IFT57: variants seen among roughly 807,000 people sequenced by gnomAD.
The protein encoded by IFT57 is intraflagellar transport 57.
A neutral mutation model predicts 56.8 loss-of-function variants in IFT57; 59 were observed. The observed-to-expected ratio is 1.04, with a 90% CI of 0.84 to 1.29. The LOEUF is 1.29. Ranked by LOEUF, IFT57 falls within the 50% of genes most tolerant of loss-of-function variation. IFT57 has a pLI of 0.00. For missense variants in IFT57, 470 were observed against 522.1 expected (o/e 0.90, Z 0.97); for synonymous variants, 209 against 186.1 (o/e 1.12, Z -1.00).
Position 108,218,310 on chromosome 3 carries a change from CA to C in IFT57, c.494+224del, listed in dbSNP as rs1560130123. ...AACCTTTAATAATTACATATTTGAACAGGAAAACGGCATAATAATATGTAAC... is the reference window on the plus strand; with the variant it reads ...AACCTTTAATAATTACATATTTGAACGGAAAACGGCATAATAATATGTAAC... On this transcript the variant is annotated intron_variant, in intron 3 of 10. Transcript: ENST00000264538. The C allele has an allele frequency of 6.3e-5, 19 of 301,982 alleles. 1 individual carries two copies. The East Asian group carries it at 1.1e-3, about 17-fold the overall frequency. The allele number at this position is 301,982 out of a possible 1,614,324, so 18.7% of individuals were successfully genotyped here. A position where few individuals can be genotyped will look rare whatever the true frequency, so the allele number is the denominator to read the frequency against.
At chr3:108,205,919 T>C (rs956324996) in intron 5 of IFT57, among the ~76,000 whole-genome samples, 2 of 127,308 alleles carry the variant, frequency 1.6e-5, no homozygotes, top group Non-Finnish European at 3.2e-5. Context: ...TTAATATATA[T>C]TATTTATAAT....
At chr3:108,208,058 A>G (rs1270602743) in intron 4 of IFT57, among the ~76,000 whole-genome samples, 1 of 151,862 alleles carries the variant, frequency 6.6e-6, no homozygotes, top group Non-Finnish European at 1.5e-5. Context: ...AAAAAAAAAA[A>G]AAAAGCAACT....
In IFT57 at chr3:108,185,474, C is replaced by T. The variant is rs138846781; in HGVS notation, c.777+6047G>A. 6.8e-3 allele frequency among the ~76,000 whole-genome samples: 1,024 copies of T among 150,112 alleles called. 11 individuals are homozygous for T. The highest frequency in any genetic ancestry group is 0.022 in the African/African-American group (898 of 40,760). On this transcript the variant is annotated intron_variant, in intron 6 of 10. Coordinates refer to ENST00000264538, the MANE Select transcript of IFT57 (RefSeq NM_018010.4). ...TATCTGCCTAAACAGGTTTTTAATG[C>T]AGACTAAAGTGCCCTGTTATGAAAA...
intron 3 of IFT57, among the ~76,000 whole-genome samples, chr3:108,217,064 A>AAT (rs1243691434): frequency 6.6e-6 from 1 of 152,114 alleles, no homozygotes; most frequent in East Asian, 1.9e-4. Flanking sequence ...AATTAACAAT[A>AAT]ATATATATTT....
chr3:108,161,018 A>C lies in IFT57; in HGVS notation c.*1459T>G, dbSNP rs576347633. 1 of 152,286 alleles carries C rather than the reference A, an allele frequency of 6.6e-6. No homozygotes were observed. The highest frequency in any genetic ancestry group is 2.1e-4 in the South Asian group (1 of 4,826). The allele number at this position is 152,286 out of a possible 1,614,324, so 9.4% of individuals were successfully genotyped here. On this transcript the variant is annotated 3_prime_UTR_variant, in exon 11 of 11. Transcript: ENST00000264538. The stretch of plus-strand genomic sequence containing the variant: ...TTGCTTCTGATTGAAATGCATTTTA[A>C]GGAGAGTTCTGATTTATCTAAAAGC...
At position 108,162,597 on chromosome 3, in the gene IFT57, C is replaced by T; in HGVS notation, c.1170G>A (p.Met390Ile). The change falls in exon 11 of 11, where the codon ATG becomes ATA. Residue 390 changes from methionine to isoleucine, a missense_variant. Physicochemically the swap from Met to Ile is conservative, Grantham distance 10. Coordinates refer to ENST00000264538, the MANE Select transcript of IFT57 (RefSeq NM_018010.4). ...GTTCCACAATGCCAATTCTAATGTC[C>T]ATCTCTACAGTTTCTTGCTTCAGTT... is the stretch of plus-strand genomic sequence containing the variant. ...LTKLKQETVE[M>I]DIRIGIVEHT... The T allele has an allele frequency of 6.2e-7, 1 of 1,612,710 alleles. No homozygotes were observed. Among genetic ancestry groups the T allele is most frequent in the South Asian group, 1.1e-5 (1 of 90,936 alleles).
At chr3:108,168,401 G>T (rs762006630) in intron 6 of IFT57, among the ~76,000 whole-genome samples, 6 of 151,818 alleles carry the variant, frequency 4.0e-5, no homozygotes, top group Non-Finnish European at 8.8e-5. Flanking sequence ...GAATTAGTGT[G>T]CAAATTTGAA....
At chr3:108,208,226 C>A (rs1194727893) in intron 4 of IFT57, among the ~76,000 whole-genome samples, 1 of 152,068 alleles carries the variant, frequency 6.6e-6, no homozygotes, top group African/African-American at 2.4e-5. Context: ...GAAGTGCAGA[C>A]AAAAGTGATC....
rs771058791 is a variant in IFT57, at chr3:108,167,877, A to T, written c.778-13T>A. The T allele has an allele frequency of 6.4e-7, 1 of 1,557,528 alleles. No individual in the cohort carries two copies. Among genetic ancestry groups the T allele is most frequent in the South Asian group, 1.2e-5 (1 of 83,450 alleles). On this transcript the variant is annotated splice_polypyrimidine_tract_variant and intron_variant, in intron 6 of 10. Coordinates refer to ENST00000264538, the MANE Select transcript of IFT57 (RefSeq NM_018010.4). ...GGATTCTCCAATCCTACAGGCATAG[A>T]GCACATAGAAATAATGTAAAAAATA... is the stretch of plus-strand genomic sequence containing the variant.
intron 6 of IFT57, among the ~76,000 whole-genome samples, chr3:108,178,588 GGCT>G (rs1251527636): frequency 6.6e-6 from 1 of 151,818 alleles, no homozygotes; most frequent in Non-Finnish European, 1.5e-5. Context: ...ATGGCCCGAT[GGCT>G]AAACACAAAA....
In IFT57 at chr3:108,222,165, A is replaced by G; in HGVS notation, c.158T>C (p.Leu53Pro). The change falls in exon 1 of 11, where the codon CTG becomes CCG. Residue 53 changes from leucine to proline, a missense_variant. By Grantham distance (98) the Leu-to-Pro change is moderately conservative. Coordinates refer to ENST00000264538, the MANE Select transcript of IFT57 (RefSeq NM_018010.4). ...GAGGAACTCCTCCTCGTAGCGGAGC[A>G]GCTTCAGCTTCTCCACCAAGTCCTC... The part of the protein sequence containing the change: ...VMEDLVEKLK[L>P]LRYEEEFLRK... The G allele has an allele frequency of 6.2e-7, 1 of 1,613,852 alleles. No individual in the cohort carries two copies. Among genetic ancestry groups the G allele is most frequent in the Non-Finnish European group, 8.5e-7 (1 of 1,179,880 alleles).
At position 108,219,439 on chromosome 3, in the gene IFT57, A is replaced by C; in HGVS notation, c.346T>G (p.Ser116Ala). 6.2e-7 allele frequency: 1 copy of C among 1,613,902 alleles called. No individual in the cohort carries two copies. Residue 116 changes from serine to alanine, a missense_variant, in exon 2 of 11, where the codon TCT (serine) becomes GCT (alanine). Coordinates refer to ENST00000264538, the MANE Select transcript of IFT57 (RefSeq NM_018010.4). Reference sequence around the variant, plus strand: ...GACCGAAGCTCGGATAGTATGTTAGATATTGTTGCATTAGGGTCATCATAT... The same window carrying C: ...GACCGAAGCTCGGATAGTATGTTAGCTATTGTTGCATTAGGGTCATCATAT... ...QEYDDPNATI[S>A]NILSELRSFG...
At chr3:108,172,780 T>C (rs1209292123) in intron 6 of IFT57, among the ~76,000 whole-genome samples, 4 of 151,842 alleles carry the variant, frequency 2.6e-5, no homozygotes, top group Non-Finnish European at 4.4e-5. Flanking sequence ...GGGATATTAA[T>C]ACTACAGTGT....
intron 6 of IFT57, among the ~76,000 whole-genome samples, chr3:108,181,772 C>T (rs2080152104): frequency 6.6e-6 from 1 of 152,082 alleles, no homozygotes; most frequent in South Asian, 2.1e-4. Context: ...GTAATTGGAG[C>T]TATTATTCCT....
At chr3:108,174,784 T>G (rs2080114880) in intron 6 of IFT57, among the ~76,000 whole-genome samples, 1 of 151,852 alleles carries the variant, frequency 6.6e-6, no homozygotes, top group South Asian at 2.1e-4. Context: ...ATGCCCCACA[T>G]AGGGACTATC....
Position 108,163,685 on chromosome 3 carries a change from C to A in IFT57, c.1089G>T (p.Lys363Asn). The A allele has an allele frequency of 6.2e-7, 1 of 1,611,340 alleles. No individual in the cohort carries two copies. The highest frequency in any genetic ancestry group is 8.5e-7 in the Non-Finnish European group (1 of 1,178,160). ...TACCACCATCAGTCATGCTGCTGCC[C>A]TTTTCTTCCATTTCTTGTTTTACCT... ...LEKVKQEMEEKGSSMTDGAPL... is the reference protein window; with the variant it reads ...LEKVKQEMEENGSSMTDGAPL... The change falls in exon 10 of 11, where the codon AAG becomes AAT. Residue 363 changes from lysine to asparagine, a missense_variant. Coordinates refer to ENST00000264538, the MANE Select transcript of IFT57 (RefSeq NM_018010.4).
intron 3 of IFT57, chr3:108,218,267 G>A: frequency 4.7e-6 from 1 of 214,920 alleles, no homozygotes; most frequent in East Asian, 9.7e-5. Context: ...TATTTACAAA[G>A]ATATGTAGTC....
intron 7 of IFT57, chr3:108,167,196 AGT>A (rs1182348761): frequency 2.0e-6 from 1 of 489,172 alleles, no homozygotes; most frequent in Non-Finnish European, 3.6e-6. Context: ...TGCACCTGGC[AGT>A]GTTAGTCAAT....
chr3:108,212,774 C>T lies in IFT57; in HGVS notation c.585+1157G>A, dbSNP rs148841908. Among the ~76,000 whole-genome samples the T allele has an allele frequency of 1.3e-3, 199 of 152,282 alleles. 4 individuals are homozygous for T. The East Asian group carries it at 0.036, about 28-fold the overall frequency. On this transcript the variant is annotated intron_variant, in intron 4 of 10. Coordinates refer to ENST00000264538, the MANE Select transcript of IFT57 (RefSeq NM_018010.4). ...ATACTATACTAACCTCAATGCCAAA[C>T]TTCAATTACTTACTTATTTTAAACT... is the stretch of plus-strand genomic sequence containing the variant.
Sources: allele counts gnomAD v4.1 joint callset (sites outside exome capture counted in the v4.1 genomes callset), GRCh38; gene constraint gnomAD v4.1.1; transcripts MANE v1.5; gene names NCBI Gene and HGNC (gene_info 2026-07-23, HGNC 2026-07-21).